UFL1: variants seen among roughly 807,000 people sequenced by gnomAD.
UFL1 encodes the protein E3 UFM1-protein ligase 1.
UFL1 carries 78 observed loss-of-function variants against 99.3 expected under a neutral mutation model. The ratio of observed to expected loss-of-function variants is 0.79; its 90% confidence interval spans 0.65 to 0.95. UFL1 has a LOEUF of 0.95. UFL1 is among the 40% of genes least tolerant of loss of function. UFL1 has a pLI of 0.00. For synonymous variants in UFL1, 335 were observed against 322.2 expected (o/e 1.04, Z -0.42); for missense variants, 936 against 937.0 (o/e 1.00, Z 0.01).
chr6:96,552,776 C>A (rs1770101171), intron 18 of UFL1, 114 bp downstream of exon 18: 3 of 954,308 alleles, frequency 3.1e-6, no homozygotes, highest in African/African-American at 1.7e-5. Flanking sequence ...AACATCAAAG[C>A]CCATTTCCAA....
intron 2 of UFL1, 118 bp downstream of exon 2, chr6:96,523,409 C>T: frequency 8.8e-7 from 1 of 1,132,384 alleles, no homozygotes; most frequent in Non-Finnish European, 1.2e-6. Context: ...ATATCGTTTT[C>T]AATTGTTAAT....
At chr6:96,551,411 G>A (rs577013337) in intron 15 of UFL1, 22 bp from the exon 16 acceptor site, 3 of 1,334,256 alleles carry the variant, frequency 2.2e-6, no homozygotes, top group Admixed American at 4.7e-5. Flanking sequence ...AGTACTGAAT[G>A]AATTTTCATT....
rs755702345 is a variant in UFL1 at position 96,552,560 on chromosome 6, C to T, written c.2064C>T (p.Leu688=). 2 of 1,613,144 alleles carry T rather than the reference C, an allele frequency of 1.2e-6. No individual in the cohort carries two copies. Among genetic ancestry groups the T allele is most frequent in the African/African-American group, 1.3e-5 (1 of 74,860 alleles). Residue 688 remains leucine, a synonymous_variant, in exon 18 of 19, where the codon CTC becomes CTT. Transcript: ENST00000369278. ...AAGACCCTGCTCTTATTCTGCACCT[C>T]ACATCAGTCCTGTTGTTTCAGTTTT... ...VTEDPALILH[L]TSVLLFQFST...
At position 96,528,609 on chromosome 6, in the gene UFL1, T is replaced by G. The variant is rs1418069153; in HGVS notation, c.573T>G (p.Arg191=). Residue 191 remains arginine, a synonymous_variant, in exon 6 of 19, where the codon CGT becomes CGG. Transcript: ENST00000369278. ...AFVARHKARI[R]GLFSAITRPT... ...TAGCTCGACATAAAGCACGTATCCGTGGACTATTCAGTGCTATTACCCGGT... is the reference window on the plus strand; with the variant it reads ...TAGCTCGACATAAAGCACGTATCCGGGGACTATTCAGTGCTATTACCCGGT... The G allele has an allele frequency of 2.5e-5, 41 of 1,613,656 alleles. No homozygotes were observed. The highest frequency in any genetic ancestry group is 3.2e-5 in the Non-Finnish European group (38 of 1,179,770).
At position 96,549,470 on chromosome 6, in the gene UFL1, TCTG is replaced by T. The variant is rs1398770316; in HGVS notation, c.1582_1584del (p.Ala528del). ...TTCAGTATTCATGTCTTCAACAACT[TCTG>T]CTTCTGGGACGGGCAGAAAACGCAC... On this transcript the variant is annotated inframe_deletion, in exon 14 of 19. Coordinates refer to ENST00000369278, the MANE Select transcript of UFL1 (RefSeq NM_015323.5). 1.9e-6 allele frequency: 3 copies of T among 1,596,068 alleles called. No homozygotes were observed. Among genetic ancestry groups the T allele is most frequent in the Non-Finnish European group, 2.6e-6 (3 of 1,175,036 alleles).
At chr6:96,542,021 T>C (rs1769937673) in intron 11 of UFL1, among the ~76,000 whole-genome samples, 1 of 151,316 alleles carries the variant, frequency 6.6e-6, no homozygotes, top group Non-Finnish European at 1.5e-5. Flanking sequence ...AGATCTTTAG[T>C]AATCACTTTA....
intron 15 of UFL1, among the ~76,000 whole-genome samples, chr6:96,550,044 A>G (rs964656053): frequency 1.3e-5 from 2 of 151,796 alleles, no homozygotes; most frequent in Non-Finnish European, 2.9e-5. Context: ...TTTTTCCCTA[A>G]TTATTATGTC....
At chr6:96,536,214 T>A (rs1249315321) in intron 7 of UFL1, 30 bp from the exon 8 acceptor site, 1 of 1,594,546 alleles carries the variant, frequency 6.3e-7, no homozygotes, top group Non-Finnish European at 8.6e-7. Flanking sequence ...CTGGTCTGAT[T>A]TATTTGTATT....
In UFL1 at chr6:96,526,409, G is replaced by T; in HGVS notation, c.439G>T (p.Asp147Tyr). The T allele has an allele frequency of 1.2e-6, 2 of 1,611,780 alleles. No homozygotes were observed. Among genetic ancestry groups the T allele is most frequent in the Middle Eastern group, 1.7e-4 (1 of 6,052 alleles). The change falls in exon 5 of 19, where the codon GAT (aspartate) becomes TAT (tyrosine). Residue 147 changes from aspartate (D) to tyrosine (Y), a missense_variant. Physicochemically the swap from Asp to Tyr is radical, Grantham distance 160. Transcript: ENST00000369278. ...CATATCAGAACTGTGTAAAACTTAT[G>T]ATCTTCCTGGGAACTTTCTGACACA... is the stretch of plus-strand genomic sequence containing the variant. ...VTISELCKTY[D>Y]LPGNFLTQAL...
chr6:96,528,885 T>C (rs564074222), intron 6 of UFL1, among the ~76,000 whole-genome samples: 2 of 152,272 alleles, frequency 1.3e-5, no homozygotes, highest in South Asian at 4.1e-4. Context: ...TACACACTTT[T>C]GCAGAGTGCA....
chr6:96,533,048 T>C (rs1769803961), intron 6 of UFL1, among the ~76,000 whole-genome samples: 1 of 152,078 alleles, frequency 6.6e-6, no homozygotes, highest in African/African-American at 2.4e-5. Flanking sequence ...TAATCAACAA[T>C]GGAGGATTGA....
At chr6:96,547,518 C>T (rs944045110) in intron 12 of UFL1, among the ~76,000 whole-genome samples, 1 of 151,620 alleles carries the variant, frequency 6.6e-6, no homozygotes, top group African/African-American at 2.4e-5. Context: ...CACATATACT[C>T]TTATGTTCTT....
At chr6:96,531,841 G>C (rs1285573590) in intron 6 of UFL1, among the ~76,000 whole-genome samples, 2 of 152,070 alleles carry the variant, frequency 1.3e-5, no homozygotes, top group Non-Finnish European at 2.9e-5. Flanking sequence ...ATCAAATAAT[G>C]AGAGGAAAAT....
At chr6:96,523,096 C>T (rs1207307046) in intron 1 of UFL1, 50 bp from the exon 2 acceptor site, 6 of 1,530,540 alleles carry the variant, frequency 3.9e-6, no homozygotes, top group South Asian at 3.9e-5. Flanking sequence ...TTTTATTGAG[C>T]GCCAATGTCT....
chr6:96,551,294 T>G, intron 15 of UFL1, 139 bp from the exon 16 acceptor site: 1 of 546,048 alleles, frequency 1.8e-6, no homozygotes, highest in Middle Eastern at 4.7e-4. Flanking sequence ...ATAATGTTTT[T>G]GTCTCTAATT....
At chr6:96,553,106 ATC>A (rs1042123031) in intron 18 of UFL1, among the ~76,000 whole-genome samples, 177 bp from the exon 19 acceptor site, 4 of 152,040 alleles carry the variant, frequency 2.6e-5, no homozygotes, top group Non-Finnish European at 2.9e-5. Flanking sequence ...TTCATGTTTT[ATC>A]TCTCCTAAAT....
In UFL1 at chr6:96,534,297, G is replaced by A; in HGVS notation, c.631G>A (p.Gly211Arg). 6.3e-7 allele frequency: 1 copy of A among 1,577,124 alleles called. No individual in the cohort carries two copies. Among genetic ancestry groups the A allele is most frequent in the South Asian group, 1.2e-5 (1 of 84,108 alleles). ...TAVNSLISKYGFQEQLLYSVL... is the reference protein window; with the variant it reads ...TAVNSLISKYRFQEQLLYSVL... ...TGTGAATTCTTTGATTTCAAAATAT[G>A]GATTTCAGGAGCAGCTTCTTTACTG... The change falls in exon 7 of 19, where the codon GGA (glycine) becomes AGA (arginine). Residue 211 changes from glycine to arginine, a missense_variant. Transcript: ENST00000369278.
At position 96,552,596 on chromosome 6, in the gene UFL1, C is replaced by T; in HGVS notation, c.2100C>T (p.Ser700=). The T allele has an allele frequency of 1.2e-6, 2 of 1,613,216 alleles. No individual in the cohort carries two copies. Among genetic ancestry groups the T allele is most frequent in the Non-Finnish European group, 1.7e-6 (2 of 1,179,670 alleles). ...TGTTGTTTCAGTTTTCAACCCACAG[C>T]ATGCTCCATGCACCTGGAAGATGTG... ...SVLLFQFSTH[S]MLHAPGRCVP... Residue 700 remains serine, a synonymous_variant, in exon 18 of 19, where the codon AGC becomes AGT. Coordinates refer to ENST00000369278, the MANE Select transcript of UFL1 (RefSeq NM_015323.5).
chr6:96,552,657 C>G lies in UFL1; in HGVS notation c.2161C>G (p.Pro721Ala). 5 of 1,592,586 alleles carry G rather than the reference C, an allele frequency of 3.1e-6. No individual in the cohort carries two copies. Among genetic ancestry groups the G allele is most frequent in the Non-Finnish European group, 4.3e-6 (5 of 1,173,678 alleles). The change falls in exon 18 of 19, where the codon CCA (proline) becomes GCA (alanine). Residue 721 changes from proline to alanine, a missense_variant. Physicochemically the swap from Pro to Ala is conservative, Grantham distance 27. Coordinates refer to ENST00000369278, the MANE Select transcript of UFL1 (RefSeq NM_015323.5). ...QIIAFLNSKI[P>A]EDQHALLVKY... is the part of the protein sequence containing the mutation. ...CATTGCTTTTCTTAATAGTAAAATT[C>G]CAGAGGTATTACATTTTCAATACAC...
Sources: allele counts gnomAD v4.1 joint callset (sites outside exome capture counted in the v4.1 genomes callset), GRCh38; gene constraint gnomAD v4.1.1; transcripts MANE v1.5; gene names NCBI Gene and HGNC (gene_info 2026-07-23, HGNC 2026-07-21).